Variants in UBR1 observed in about 807,000 individuals in gnomAD.
UBR1 encodes E3 ubiquitin-protein ligase UBR1.
In UBR1, 102 loss-of-function variants were observed where a neutral mutation model predicts 242.1. The observed-to-expected ratio is 0.42, with a 90% CI of 0.36 to 0.50. The LOEUF (loss-of-function observed/expected upper bound fraction) is 0.50, where lower values mean the gene tolerates loss of function less well. UBR1 is among the 20% of genes least tolerant of loss of function. The probability of loss-of-function intolerance (pLI) is 0.01; values close to 1 mark genes in which losing one functional copy is unlikely to be tolerated. For missense variants in UBR1, 1,772 were observed against 2,101.8 expected (o/e 0.84, Z 3.07); for synonymous variants, 675 against 684.8 (o/e 0.99, Z 0.22).
intron 12 of UBR1, among the ~76,000 whole-genome samples, chr15:43,050,927 A>T (rs2033547389): frequency 6.6e-6 from 1 of 152,184 alleles, no homozygotes; most frequent in Middle Eastern, 3.2e-3. Context: ...AAAAAGTCAC[A>T]GACGCTGGGG....
chr15:42,956,821 G>A (rs573425172), intron 44 of UBR1, among the ~76,000 whole-genome samples: 7 of 152,228 alleles, frequency 4.6e-5, no homozygotes, highest in African/African-American at 1.4e-4. Flanking sequence ...CAATAGAGAC[G>A]TCTTCCAAAA....
intron 44 of UBR1, 39 bp from the exon 45 acceptor site, chr15:42,952,487 A>C: frequency 1.9e-6 from 3 of 1,604,944 alleles, no homozygotes; most frequent in Non-Finnish European, 2.6e-6. Flanking sequence ...TGATGGAAAA[A>C]CAAAACAAAA....
At chr15:43,067,661 G>C (rs1055765730) in intron 6 of UBR1, among the ~76,000 whole-genome samples, 1 of 152,078 alleles carries the variant, frequency 6.6e-6, no homozygotes, top group African/African-American at 2.4e-5. Context: ...CCTACGCTTT[G>C]CCAAATAAAT....
At chr15:42,989,361 C>G (rs533999955) in intron 34 of UBR1, among the ~76,000 whole-genome samples, 136 of 152,234 alleles carry the variant, frequency 8.9e-4, no homozygotes, top group African/African-American at 3.0e-3. Context: ...CAAAGAAGTA[C>G]TTTTGTGTTG....
chr15:43,083,511 G>A (rs778471178), intron 2 of UBR1, among the ~76,000 whole-genome samples: 5 of 151,932 alleles, frequency 3.3e-5, no homozygotes, highest in Non-Finnish European at 5.9e-5. Context: ...CTCCCAAGTA[G>A]CTGGGATTAC....
At chr15:42,957,977 T>A (rs2031950948) in intron 44 of UBR1, 36 bp downstream of exon 44, 1 of 1,551,844 alleles carries the variant, frequency 6.4e-7, no homozygotes, top group African/African-American at 1.4e-5. Flanking sequence ...GAAAATGATT[T>A]AAAATTACAC....
intron 32 of UBR1, among the ~76,000 whole-genome samples, chr15:43,000,428 T>A (rs959693353): frequency 6.6e-6 from 1 of 152,230 alleles, no homozygotes; most frequent in Admixed American, 6.5e-5. Context: ...ACAATTTACA[T>A]AGTTTAATAA....
At chr15:43,067,008 T>C (rs2033760629) in intron 6 of UBR1, among the ~76,000 whole-genome samples, 1 of 152,210 alleles carries the variant, frequency 6.6e-6, no homozygotes, top group African/African-American at 2.4e-5. Flanking sequence ...TCTTATGTAC[T>C]CAGAATGGGT....
At chr15:43,081,018 C>T (rs903195600) in intron 3 of UBR1, among the ~76,000 whole-genome samples, 7 of 151,970 alleles carry the variant, frequency 4.6e-5, no homozygotes, top group Non-Finnish European at 8.8e-5. Context: ...TGTGTAAATA[C>T]CAAGGAGTGC....
chr15:42,966,355 C>T, intron 40 of UBR1, 69 bp from the exon 41 acceptor site: 1 of 1,578,010 alleles, frequency 6.3e-7, no homozygotes, highest in Non-Finnish European at 8.7e-7. Context: ...TAAACATATC[C>T]CCCTTTTCAA....
chr15:43,074,504 C>G (rs2033862207), intron 4 of UBR1, among the ~76,000 whole-genome samples: 1 of 152,188 alleles, frequency 6.6e-6, no homozygotes, highest in Admixed American at 6.5e-5. Context: ...TCTTGGCTCA[C>G]TGCAACCTCC....
chr15:42,989,571 T>C (rs1222387062), intron 34 of UBR1, among the ~76,000 whole-genome samples: 2 of 152,206 alleles, frequency 1.3e-5, no homozygotes, highest in South Asian at 2.1e-4. Context: ...TTTGGGTACA[T>C]TACATCTCTC....
chr15:43,006,536 C>T (rs2032832972), intron 30 of UBR1, among the ~76,000 whole-genome samples: 1 of 152,178 alleles, frequency 6.6e-6, no homozygotes, highest in South Asian at 2.1e-4. Context: ...TCCCAAAGTG[C>T]TGGGATTACA....
chr15:42,945,154 T>C lies in UBR1; in HGVS notation c.*175A>G, dbSNP rs1317222502. The C allele has an allele frequency of 1.3e-6, 1 of 786,702 alleles. No individual in the cohort carries two copies. Among genetic ancestry groups the C allele is most frequent in the African/African-American group, 1.7e-5 (1 of 57,762 alleles). The allele number at this position is 786,702 out of a possible 1,614,324, so 48.7% of individuals were successfully genotyped here. ...ATGTCCTTTTTTCCTGTGAAGCATATGTTTGCTAATTGAAAGCAATACTCC... is the reference window on the plus strand; with the variant it reads ...ATGTCCTTTTTTCCTGTGAAGCATACGTTTGCTAATTGAAAGCAATACTCC... On this transcript the variant is annotated 3_prime_UTR_variant, in exon 47 of 47. Coordinates refer to ENST00000290650, the MANE Select transcript of UBR1 (RefSeq NM_174916.3).
rs572498055 is a variant in UBR1 at position 43,044,393 on chromosome 15, C to T, written c.1669-998G>A. Among the ~76,000 whole-genome samples, 3 of 152,070 alleles carry T rather than the reference C, an allele frequency of 2.0e-5. No homozygotes were observed. The East Asian group carries it at 5.8e-4, about 29-fold the overall frequency. On this transcript the variant is annotated intron_variant, in intron 14 of 46. Coordinates refer to ENST00000290650, the MANE Select transcript of UBR1 (RefSeq NM_174916.3). ...GGCCATCAGGACAAAAAAGAATGAACCCATAGAAAATAATTTAGAATTATA... is the reference window on the plus strand; with the variant it reads ...GGCCATCAGGACAAAAAAGAATGAATCCATAGAAAATAATTTAGAATTATA...
In UBR1 at chr15:43,030,072, G is replaced by A; in HGVS notation, c.2255-4C>T. ...ACTCCAGGTACATAACGCTCACCTA[G>A]TTCAAATAATTAAAAACAAAAAAAA... On this transcript the variant is annotated splice_polypyrimidine_tract_variant and splice_region_variant and intron_variant, in intron 20 of 46. Transcript: ENST00000290650. The A allele has an allele frequency of 6.2e-7, 1 of 1,613,076 alleles. No individual in the cohort carries two copies. The highest frequency in any genetic ancestry group is 1.1e-5 in the South Asian group (1 of 90,856).
intron 29 of UBR1, among the ~76,000 whole-genome samples, chr15:43,009,514 T>A (rs1026079627): frequency 6.6e-6 from 1 of 152,190 alleles, no homozygotes; most frequent in Non-Finnish European, 1.5e-5. Flanking sequence ...CCAGGCCAAG[T>A]GGGCAGGATG....
rs748440538 is a variant in UBR1, at chr15:43,048,507, A to C, written c.1440-16T>G. The C allele has an allele frequency of 6.4e-7, 1 of 1,573,204 alleles. No homozygotes were observed. The highest frequency in any genetic ancestry group is 2.2e-5 in the East Asian group (1 of 44,576). The stretch of plus-strand genomic sequence containing the variant: ...CAGGATATACCTATCGTTTCAAGAA[A>C]GAAAGAAATATTTCATTTATCTATT... On this transcript the variant is annotated splice_polypyrimidine_tract_variant and intron_variant, in intron 12 of 46. Transcript: ENST00000290650.
rs1464967921 is a variant in UBR1 at position 42,983,966 on chromosome 15, A to G, written c.4081T>C (p.Phe1361Leu). 1 of 1,613,014 alleles carries G rather than the reference A, an allele frequency of 6.2e-7. No individual in the cohort carries two copies. Among genetic ancestry groups the G allele is most frequent in the East Asian group, 2.2e-5 (1 of 44,846 alleles). The change falls in exon 37 of 47, where the codon TTT (phenylalanine) becomes CTT (leucine). Residue 1361 changes from phenylalanine (F) to leucine (L), a missense_variant. By Grantham distance (22) the Phe-to-Leu change is conservative (BLOSUM62 0). Coordinates refer to ENST00000290650, the MANE Select transcript of UBR1 (RefSeq NM_174916.3). ...CAGGTAATCCTCTGTGCAACTGCAA[A>G]CTGCATTAATGCTTTCAGACCATTA... Reference protein sequence around the residue: ...QHNGLKALMQFAVAQRITCPQ... With the variant: ...QHNGLKALMQLAVAQRITCPQ...
Sources: allele counts gnomAD v4.1 joint callset (sites outside exome capture counted in the v4.1 genomes callset), GRCh38; gene constraint gnomAD v4.1.1; transcripts MANE v1.5; gene names NCBI Gene and HGNC (gene_info 2026-07-23, HGNC 2026-07-21).